TTC6: variants seen among roughly 807,000 people sequenced by gnomAD.
The protein encoded by TTC6 is tetratricopeptide repeat protein 6.
A neutral mutation model predicts 210.4 loss-of-function variants in TTC6; 172 were observed. That is an observed-to-expected ratio of 0.82 (90% CI 0.72 to 0.93). The LOEUF (loss-of-function observed/expected upper bound fraction) is 0.93. Among genes scored for constraint, TTC6 ranks in the 40% least tolerant of loss-of-function variants. The pLI is 0.00. For missense variants in TTC6, 2,414 were observed against 2,318.1 expected, an observed-to-expected ratio of 1.04 and a Z score of -0.85; for synonymous variants, 804 against 819.6, an observed-to-expected ratio of 0.98 and a Z score of 0.32.
chr14:37,827,068 G>C, intron 28 of TTC6, 128 bp from the exon 31 acceptor site: 1 of 657,126 alleles, frequency 1.5e-6, no homozygotes, highest in Non-Finnish European at 2.3e-6. Context: ...TGTTCTACTG[G>C]AGTTTTACAT....
chr14:37,751,199 G>A, exon 13 of TTC6: 1 of 1,524,880 alleles, frequency 6.6e-7, no homozygotes, highest in Non-Finnish European at 8.8e-7. Flanking sequence ...AACAAACAAA[G>A]TACTGGCCAT....
intron 1 of TTC6, among the ~76,000 whole-genome samples, chr14:37,665,667 A>C (rs1253453559): frequency 6.6e-6 from 1 of 150,736 alleles, no homozygotes. Context: ...AGTTGAAGGA[A>C]AAAAATGATG....
chr14:37,796,226 T>C (rs2139363592), intron 18 of TTC6, 68 bp from the exon 21 acceptor site: 3 of 663,392 alleles, frequency 4.5e-6, no homozygotes, highest in Non-Finnish European at 7.5e-6. Flanking sequence ...AGTAACTGAT[T>C]AGAAGAAACT....
chr14:37,599,675 C>T (rs1448963872), intron 1 of TTC6, among the ~76,000 whole-genome samples: 2 of 152,194 alleles, frequency 1.3e-5, no homozygotes, highest in Admixed American at 1.3e-4. Flanking sequence ...CACGGGAGAG[C>T]ATCGCCTTGC....
intron 1 of TTC6, among the ~76,000 whole-genome samples, chr14:37,672,157 A>T (rs1049850856): frequency 6.6e-6 from 1 of 152,178 alleles, no homozygotes; most frequent in Non-Finnish European, 1.5e-5. Context: ...ATTGATATAG[A>T]TGCATAATTA....
chr14:37,673,335 G>A (rs1358759204), intron 1 of TTC6, among the ~76,000 whole-genome samples: 1 of 152,078 alleles, frequency 6.6e-6, no homozygotes, highest in Non-Finnish European at 1.5e-5. Flanking sequence ...TTACCTGTGT[G>A]GACAAATATT....
intron 1 of TTC6, among the ~76,000 whole-genome samples, 153 bp downstream of exon 3, chr14:37,623,156 A>G (rs1369155844): frequency 1.3e-5 from 2 of 152,142 alleles, no homozygotes; most frequent in East Asian, 3.9e-4. Flanking sequence ...ACTTCTTTGC[A>G]TTTTGTTTGA....
Position 37,708,451 on chromosome 14 carries a change from C to A in TTC6, c.1572-6204C>A, listed in dbSNP as rs578118702. On this transcript the variant is annotated intron_variant, in intron 5 of 30. Transcript: ENST00000553443. The stretch of plus-strand genomic sequence containing the variant: ...TTTATTTCCCAAATAAAAAATACAG[C>A]GTAATGATTGACTAATCCATGTTTA... Among the ~76,000 whole-genome samples the A allele has an allele frequency of 3.3e-5, 5 of 152,064 alleles. No homozygotes were observed. In the South Asian group the frequency reaches 8.3e-4, roughly 25 times the overall value.
chr14:37,801,733 G>T (rs1474574465), intron 20 of TTC6, among the ~76,000 whole-genome samples: 1 of 152,156 alleles, frequency 6.6e-6, no homozygotes, highest in Non-Finnish European at 1.5e-5. Flanking sequence ...ACACCAGTCA[G>T]AATGGTGATT....
In TTC6 at chr14:37,780,039, C is replaced by G. The variant is rs184471684; in HGVS notation, c.3267-7429C>G. ...GACGAAGTTGAAACAAATGCAAAAG[C>G]GAGTCTGTTTGAATGAATGAATGAA... is the stretch of plus-strand genomic sequence containing the variant. On this transcript the variant is annotated intron_variant, in intron 14 of 30. Transcript: ENST00000553443. Among the ~76,000 whole-genome samples the G allele has an allele frequency of 1.4e-3, 211 of 152,090 alleles. 1 individual carries two copies. The highest frequency in any genetic ancestry group is 4.9e-3 in the African/African-American group (203 of 41,486).
At chr14:37,622,926 G>A (rs1338005402) in exon 1 of TTC6, 1 of 1,533,674 alleles carries the variant, frequency 6.5e-7, no homozygotes. Flanking sequence ...GCAGTCCGAG[G>A]CCCAGCTGGC....
chr14:37,627,408 C>T (rs1267421963), intron 1 of TTC6, among the ~76,000 whole-genome samples: 1 of 151,978 alleles, frequency 6.6e-6, no homozygotes, highest in African/African-American at 2.4e-5. Context: ...CGCCCATCAA[C>T]CCATCATCTA....
At chr14:37,767,162 G>T (rs1321320541) in intron 14 of TTC6, among the ~76,000 whole-genome samples, 3 of 152,120 alleles carry the variant, frequency 2.0e-5, no homozygotes. Context: ...GTATTCCATG[G>T]TGTATATGTG....
chr14:37,709,751 T>C (rs2095841607), intron 5 of TTC6, among the ~76,000 whole-genome samples: 1 of 151,756 alleles, frequency 6.6e-6, no homozygotes, highest in Non-Finnish European at 1.5e-5. Flanking sequence ...TATAGACTGA[T>C]TTTATCAAGA....
chr14:37,755,160 G>C (rs2095963767), intron 14 of TTC6, among the ~76,000 whole-genome samples: 2 of 151,864 alleles, frequency 1.3e-5, no homozygotes, highest in African/African-American at 4.8e-5. Flanking sequence ...TTTTTCATAT[G>C]TTTGTTGGCT....
At chr14:37,710,090 C>T (rs371055971) in intron 5 of TTC6, among the ~76,000 whole-genome samples, 2 of 152,142 alleles carry the variant, frequency 1.3e-5, no homozygotes, top group East Asian at 1.9e-4. Context: ...TATGTGAGCA[C>T]TCTTCAAATT....
At position 37,598,374 on chromosome 14, in the gene TTC6, G is replaced by C. The variant is rs914494861; in HGVS notation, c.-235+2366G>C. ...CGCGGGGAGGGCGGGCTCCTCAAGT[G>C]GGGGATCCGCGGCAGTGAGGACTGT... On this transcript the variant is annotated intron_variant, in intron 1 of 2. Transcript: ENST00000556845. The surrounding 1 kb of genome is among the most constrained non-coding windows in gnomAD (Gnocchi z 4.9). Among the ~76,000 whole-genome samples, 3 of 152,184 alleles carry C rather than the reference G, an allele frequency of 2.0e-5. No homozygotes were observed. The highest frequency in any genetic ancestry group is 7.2e-5 in the African/African-American group (3 of 41,460).
upstream of TTC6, among the ~76,000 whole-genome samples, chr14:37,618,455 C>T (rs948475290): frequency 6.6e-6 from 1 of 152,212 alleles, no homozygotes; most frequent in East Asian, 1.9e-4. Flanking sequence ...GCCTATTTGA[C>T]ACATCATGTA....
At chr14:37,633,391 C>G (rs1034684886) in intron 1 of TTC6, among the ~76,000 whole-genome samples, 4 of 152,162 alleles carry the variant, frequency 2.6e-5, no homozygotes, top group African/African-American at 9.7e-5. Flanking sequence ...TTTTCCAACC[C>G]CTTGCACTTC....
Sources: gnomAD v4.1 joint callset for allele counts (sites outside exome capture counted in the v4.1 genomes callset) on GRCh38, gnomAD v4.1.1 for gene constraint, Gnocchi (gnomAD v3.1) non-coding constraint, MANE v1.5 for transcripts, NCBI Gene and HGNC (gene_info 2026-07-23, HGNC 2026-07-21) for gene names.